The following TEAD1 variants were observed in gnomAD, a reference collection of about 807,000 sequenced individuals.
TEAD1 encodes the protein transcriptional enhancer factor TEF-1.
In TEAD1, 9 loss-of-function variants were observed where a neutral mutation model predicts 54.9. That is an observed-to-expected ratio of 0.16 (90% CI 0.10 to 0.29). The LOEUF is 0.29. Among genes scored for constraint, TEAD1 ranks in the 10% least tolerant of loss-of-function variants. The pLI is 1.00. For missense variants in TEAD1, 387 were observed against 535.9 expected (o/e 0.72, Z 2.74); for synonymous variants, 200 against 187.8 (o/e 1.07, Z -0.53).
At chr11:12,716,638 G>A (rs1271067908) in intron 2 of TEAD1, among the ~76,000 whole-genome samples, 1 of 152,178 alleles carries the variant, frequency 6.6e-6, no homozygotes, top group African/African-American at 2.4e-5. Context: ...TGCTGTTGTG[G>A]TTTGAAAGCA....
intron 10 of TEAD1, among the ~76,000 whole-genome samples, chr11:12,919,394 TA>T (rs1948766615): frequency 6.6e-6 from 1 of 152,234 alleles, no homozygotes; most frequent in African/African-American, 2.4e-5. Flanking sequence ...CAAAACCATC[TA>T]AAAAATCAAT....
chr11:12,690,788 C>T (rs1943442042), intron 2 of TEAD1, among the ~76,000 whole-genome samples: 2 of 152,172 alleles, frequency 1.3e-5, no homozygotes, highest in Admixed American at 6.5e-5. Context: ...AGGTCTCACT[C>T]ACTGTGTCAC....
At chr11:12,712,829 C>A (rs1238245546) in intron 2 of TEAD1, among the ~76,000 whole-genome samples, 1 of 152,060 alleles carries the variant, frequency 6.6e-6, no homozygotes, top group Non-Finnish European at 1.5e-5. Context: ...AGAGGGGAGC[C>A]TGTGGGAAGA....
intron 3 of TEAD1, among the ~76,000 whole-genome samples, chr11:12,837,723 TCTTCTTCTC>T (rs956365141): frequency 4.2e-5 from 4 of 95,318 alleles, no homozygotes; most frequent in Non-Finnish European, 9.7e-5. Flanking sequence ...TCCTTCTCCT[TCTTCTTCTC>T]CTCCTCCTTC....
chr11:12,879,633 C>T (rs752383819), intron 5 of TEAD1, 75 bp from the exon 6 acceptor site: 2 of 1,590,262 alleles, frequency 1.3e-6, no homozygotes, highest in Non-Finnish European at 8.6e-7. Flanking sequence ...TCCATGTGCT[C>T]GTGGCTGTGC....
At chr11:12,820,093 G>A (rs949963955) in intron 3 of TEAD1, among the ~76,000 whole-genome samples, 1 of 152,144 alleles carries the variant, frequency 6.6e-6, no homozygotes, top group Non-Finnish European at 1.5e-5. Flanking sequence ...GGGGTCCACT[G>A]TGTGCCATAC....
rs1160544266 is a variant in TEAD1 at position 12,939,963 on chromosome 11, A to C, written c.*2741A>C. ...AAAAGCTTTCTAAAGCATACTAAAG[A>C]AGCCTTCCCAGAGCCCCGTCTTGCT... On this transcript the variant is annotated 3_prime_UTR_variant, in exon 13 of 13. Coordinates refer to ENST00000527636, the MANE Select transcript of TEAD1 (RefSeq NM_021961.6). 1 of 152,178 alleles carries C rather than the reference A, an allele frequency of 6.6e-6. No homozygotes were observed. Among genetic ancestry groups the C allele is most frequent in the East Asian group, 1.9e-4 (1 of 5,190 alleles). 9.4% of individuals were successfully genotyped at this position (152,178 alleles called of 1,614,324 possible). A position where few individuals can be genotyped will look rare whatever the true frequency, so the allele number is the denominator to read the frequency against.
intron 2 of TEAD1, among the ~76,000 whole-genome samples, chr11:12,726,716 G>A (rs559629254): frequency 3.9e-5 from 6 of 152,102 alleles, no homozygotes; most frequent in African/African-American, 7.2e-5. Flanking sequence ...TTAACCAGGC[G>A]TGGTGGCATG....
chr11:12,915,658 G>C (rs1374442623), intron 10 of TEAD1, among the ~76,000 whole-genome samples: 1 of 152,188 alleles, frequency 6.6e-6, no homozygotes, highest in East Asian at 1.9e-4. Flanking sequence ...GACCAACCTG[G>C]CCAACATAGT....
At chr11:12,725,622 A>T (rs547990757) in intron 2 of TEAD1, among the ~76,000 whole-genome samples, 73 of 150,378 alleles carry the variant, frequency 4.9e-4, no homozygotes, top group African/African-American at 1.8e-3. Flanking sequence ...TAAAAAAAAA[A>T]TTAAAAAATA....
chr11:12,720,205 T>G (rs998252620), intron 2 of TEAD1, among the ~76,000 whole-genome samples: 2 of 152,034 alleles, frequency 1.3e-5, no homozygotes, highest in African/African-American at 4.8e-5. Flanking sequence ...TTAAATCTAA[T>G]GTGGAAATCA....
chr11:12,802,656 C>G (rs1946083353), intron 3 of TEAD1, among the ~76,000 whole-genome samples: 5 of 152,074 alleles, frequency 3.3e-5, no homozygotes, highest in Admixed American at 3.3e-4. Flanking sequence ...GAATCCAGGT[C>G]AAGATGAAGA....
At chr11:12,776,866 C>G (rs1945432992) in intron 3 of TEAD1, among the ~76,000 whole-genome samples, 1 of 151,392 alleles carries the variant, frequency 6.6e-6, no homozygotes, top group Non-Finnish European at 1.5e-5. Context: ...ATGGCACCAT[C>G]TCACTGCAAC....
At chr11:12,774,223 G>C (rs977653275) in intron 3 of TEAD1, among the ~76,000 whole-genome samples, 14 of 152,106 alleles carry the variant, frequency 9.2e-5, no homozygotes, top group Non-Finnish European at 1.5e-5. Context: ...GATGAGTTTC[G>C]AGGTGTGGCC....
intron 3 of TEAD1, among the ~76,000 whole-genome samples, chr11:12,835,827 C>T (rs1946877868): frequency 6.6e-6 from 1 of 152,052 alleles, no homozygotes; most frequent in Non-Finnish European, 1.5e-5. Flanking sequence ...TTAATATTTT[C>T]TTTTTGGGGG....
intron 3 of TEAD1, among the ~76,000 whole-genome samples, chr11:12,846,958 G>C (rs1947166224): frequency 6.6e-6 from 1 of 152,180 alleles, no homozygotes; most frequent in African/African-American, 2.4e-5. Flanking sequence ...AGCTTAAGAA[G>C]AGGAAAGATT....
At chr11:12,823,164 C>T (rs1325243049) in intron 3 of TEAD1, among the ~76,000 whole-genome samples, 3 of 152,142 alleles carry the variant, frequency 2.0e-5, no homozygotes, top group Admixed American at 2.0e-4. Flanking sequence ...TCAGGCTATC[C>T]CCCTCAGCTC....
At chr11:12,852,402 A>T (rs528164070) in intron 3 of TEAD1, among the ~76,000 whole-genome samples, 1 of 151,082 alleles carries the variant, frequency 6.6e-6, no homozygotes, top group Non-Finnish European at 1.5e-5. Context: ...TTTAGGTCAC[A>T]GTTGGGGGCA....
chr11:12,846,692 T>C (rs1947159538), intron 3 of TEAD1, among the ~76,000 whole-genome samples: 1 of 152,216 alleles, frequency 6.6e-6, no homozygotes, highest in African/African-American at 2.4e-5. Context: ...AGTTGAGGTG[T>C]TTCTTAGAAA....
Sources: allele counts gnomAD v4.1 joint callset (sites outside exome capture counted in the v4.1 genomes callset), GRCh38; gene constraint gnomAD v4.1.1; transcripts MANE v1.5; gene names NCBI Gene and HGNC (gene_info 2026-07-23, HGNC 2026-07-21).